The following LINGO2 variants were observed in gnomAD, a reference collection of about 807,000 sequenced individuals.
The protein encoded by LINGO2 is leucine rich repeat and Ig domain containing 2, also known as leucine-rich repeat and immunoglobulin-like domain-containing nogo receptor-interacting protein 2.
Under a neutral mutation model 30.6 loss-of-function variants are expected in LINGO2, and 14 were observed. That is an observed-to-expected ratio of 0.46 (90% CI 0.30 to 0.72). The LOEUF (loss-of-function observed/expected upper bound fraction) is 0.72, where lower values mean the gene tolerates loss of function less well. Ranked by LOEUF, LINGO2 falls within the 30% of genes least tolerant of loss-of-function variation. The probability of loss-of-function intolerance (pLI) is 0.07; values close to 1 mark genes in which losing one functional copy is unlikely to be tolerated. For missense variants in LINGO2, 729 were observed against 751.7 expected (o/e 0.97, Z 0.35); for synonymous variants, 317 against 288.5 (o/e 1.10, Z -1.00).
At chr9:28,976,265 T>C in the LINGO2 span, among the ~76,000 whole-genome samples, 1 of 152,110 alleles carries the variant, frequency 6.6e-6, no homozygotes, top group Admixed American at 6.6e-5. Context: ...TTCCTTTAAA[T>C]ATAAAGTAAC....
chr9:29,094,784 T>C, the LINGO2 span, among the ~76,000 whole-genome samples: 1 of 139,218 alleles, frequency 7.2e-6, no homozygotes, highest in South Asian at 2.3e-4. Flanking sequence ...AAATTTCACT[T>C]GTTTCATTTT....
At chr9:28,750,221 G>A in the LINGO2 span, among the ~76,000 whole-genome samples, 3 of 152,096 alleles carry the variant, frequency 2.0e-5, no homozygotes, top group African/African-American at 7.3e-5. Context: ...TATCAAGAGA[G>A]GAAATGGCAG....
intron 4 of LINGO2, among the ~76,000 whole-genome samples, chr9:28,145,198 A>G (rs1470475155): frequency 6.6e-6 from 1 of 152,196 alleles, no homozygotes; most frequent in Non-Finnish European, 1.5e-5. Flanking sequence ...AGGTAGGGAC[A>G]TGAGGAAGCT....
At chr9:29,057,101 T>C in the LINGO2 span, among the ~76,000 whole-genome samples, 9 of 152,178 alleles carry the variant, frequency 5.9e-5, no homozygotes, top group South Asian at 1.9e-3. Context: ...ATTTTGGAAT[T>C]TTAAGATTTT....
the LINGO2 span, among the ~76,000 whole-genome samples, chr9:29,051,292 C>T: frequency 3.3e-5 from 5 of 152,228 alleles, no homozygotes; most frequent in Non-Finnish European, 7.4e-5. Context: ...CCTGTTCTGC[C>T]TGTTCATTGC....
chr9:29,194,110 C>A, the LINGO2 span, among the ~76,000 whole-genome samples: 1 of 152,152 alleles, frequency 6.6e-6, no homozygotes, highest in Non-Finnish European at 1.5e-5. Flanking sequence ...GTTGATCCCT[C>A]CTAGGGCTGC....
intron 4 of LINGO2, among the ~76,000 whole-genome samples, chr9:28,269,473 TA>T (rs1252794140): frequency 6.6e-6 from 1 of 152,126 alleles, no homozygotes; most frequent in African/African-American, 2.4e-5. Context: ...TTATAAACGA[TA>T]ACACAAATTT....
At chr9:28,539,527 T>A (rs1031004623) in intron 1 of LINGO2, among the ~76,000 whole-genome samples, 1 of 152,086 alleles carries the variant, frequency 6.6e-6, no homozygotes, top group Non-Finnish European at 1.5e-5. Context: ...GCAAACAATT[T>A]GTGAGAAATT....
intron 1 of LINGO2, among the ~76,000 whole-genome samples, chr9:28,485,238 C>T (rs1469957019): frequency 2.0e-5 from 3 of 152,106 alleles, no homozygotes; most frequent in Non-Finnish European, 4.4e-5. Context: ...AGCAGTTCCT[C>T]CAGTCTTCCT....
intron 3 of LINGO2, among the ~76,000 whole-genome samples, chr9:28,331,438 C>G (rs1021381435): frequency 3.3e-5 from 5 of 152,148 alleles, no homozygotes; most frequent in African/African-American, 7.2e-5. Context: ...CAAAGTAAAT[C>G]TCTCAAAACA....
chr9:28,142,447 T>G (rs564406376), intron 4 of LINGO2, among the ~76,000 whole-genome samples: 1 of 152,340 alleles, frequency 6.6e-6, no homozygotes, highest in South Asian at 2.1e-4. Context: ...CTATAAAAAC[T>G]TCATAGGATT....
chr9:27,984,508 T>TC (rs1336307990), intron 5 of LINGO2, among the ~76,000 whole-genome samples: 1 of 151,822 alleles, frequency 6.6e-6, no homozygotes, highest in East Asian at 1.9e-4. Flanking sequence ...AAAACACACC[T>TC]CCTGTCATTC....
At chr9:28,052,967 T>TGTA (rs1351687687) in intron 4 of LINGO2, among the ~76,000 whole-genome samples, 2 of 152,082 alleles carry the variant, frequency 1.3e-5, no homozygotes, top group Admixed American at 6.6e-5. Context: ...ATCCAGTACA[T>TGTA]GTAAGACATT....
chr9:28,297,011 G>A (rs1405332043), intron 3 of LINGO2, among the ~76,000 whole-genome samples: 1 of 151,684 alleles, frequency 6.6e-6, no homozygotes, highest in Non-Finnish European at 1.5e-5. Context: ...TTGGTCTTTT[G>A]GCAGCCATGA....
At chr9:28,584,495 T>C (rs1461078395) in intron 1 of LINGO2, among the ~76,000 whole-genome samples, 4 of 152,078 alleles carry the variant, frequency 2.6e-5, no homozygotes, top group African/African-American at 9.7e-5. Context: ...AGAAGAGCGG[T>C]GTTATTGCAG....
At chr9:28,316,361 TG>T (rs1281136289) in intron 3 of LINGO2, among the ~76,000 whole-genome samples, 1 of 152,134 alleles carries the variant, frequency 6.6e-6, no homozygotes, top group Non-Finnish European at 1.5e-5. Context: ...ATATGTTTTA[TG>T]TAAAAATTGA....
intron 2 of LINGO2, among the ~76,000 whole-genome samples, chr9:28,436,421 AATTTATTTATTTATTTATTTATTTATTT>A (rs143117895): frequency 4.3e-5 from 6 of 138,926 alleles, no homozygotes; most frequent in Admixed American, 2.2e-4. Flanking sequence ...TAAGGAAGAG[AATTTATTTATTTATTTATTTATTTATTT>A]ATTTATTTAT....
At chr9:28,477,298 C>T (rs889660926) in intron 1 of LINGO2, among the ~76,000 whole-genome samples, 3 of 152,024 alleles carry the variant, frequency 2.0e-5, no homozygotes, top group African/African-American at 7.3e-5. Flanking sequence ...TTAATATTTA[C>T]AAAAACCCTG....
Position 28,130,195 on chromosome 9 carries a change from A to G in LINGO2, c.-86-117790T>C, listed in dbSNP as rs1827344944. On this transcript the variant is annotated intron_variant, in intron 4 of 5. Coordinates refer to ENST00000379992, the Ensembl canonical transcript of LINGO2. This position sits in a 1 kb window ranked among gnomAD's most constrained non-coding sequence, Gnocchi z 5.2. ...TTTTAACCACTGGTTTGAACTCTAG[A>G]CCCTCTAAAATAGACCTTAACACAC... Among the ~76,000 whole-genome samples the G allele has an allele frequency of 6.6e-6, 1 of 152,178 alleles. No individual in the cohort carries two copies. Among genetic ancestry groups the G allele is most frequent in the Non-Finnish European group, 1.5e-5 (1 of 68,040 alleles).
Sources: allele counts gnomAD v4.1 joint callset (sites outside exome capture counted in the v4.1 genomes callset), GRCh38; gene constraint gnomAD v4.1.1; non-coding constraint Gnocchi (gnomAD v3.1); transcripts MANE v1.5; gene names NCBI Gene and HGNC (gene_info 2026-07-23, HGNC 2026-07-21).